The following ABTB3 variants were observed in gnomAD, a reference collection of about 807,000 sequenced individuals.
The protein encoded by ABTB3 is ankyrin repeat and BTB domain containing 3, also known as ankyrin repeat- and BTB/POZ domain-containing protein 3.
the ABTB3 span, chr12:107,320,011 C>T: frequency 3.6e-5 from 57 of 1,572,208 alleles, no homozygotes; most frequent in Non-Finnish European, 4.5e-5. Context: ...CGGTCAACAA[C>T]GACTCGGAGA....
At chr12:107,653,432 G>T in the ABTB3 span, among the ~76,000 whole-genome samples, 1 of 151,746 alleles carries the variant, frequency 6.6e-6, no homozygotes, top group African/African-American at 2.4e-5. Context: ...CAGGAGAATG[G>T]CATGAACCTG....
chr12:107,460,506 A>G, the ABTB3 span, among the ~76,000 whole-genome samples: 3 of 152,130 alleles, frequency 2.0e-5, no homozygotes, highest in Non-Finnish European at 4.4e-5. Context: ...ATACAAAAAT[A>G]AAAATAGCTG....
chr12:107,616,044 C>A, the ABTB3 span, among the ~76,000 whole-genome samples: 12 of 152,042 alleles, frequency 7.9e-5, no homozygotes, highest in African/African-American at 2.7e-4. Context: ...AGAACAGATC[C>A]CAAGTCATGT....
At chr12:107,324,936 AC>A in the ABTB3 span, among the ~76,000 whole-genome samples, 1 of 152,332 alleles carries the variant, frequency 6.6e-6, no homozygotes, top group South Asian at 2.1e-4. Context: ...TCTCATCTGT[AC>A]AGTGAGGATT....
At chr12:107,441,552 C>A in the ABTB3 span, among the ~76,000 whole-genome samples, 123 of 152,114 alleles carry the variant, frequency 8.1e-4, no homozygotes, top group African/African-American at 2.8e-3. Flanking sequence ...TGTAGCAAAC[C>A]ACCGTGGCAC....
At chr12:107,538,684 C>T in the ABTB3 span, among the ~76,000 whole-genome samples, 1 of 152,158 alleles carries the variant, frequency 6.6e-6, no homozygotes, top group Non-Finnish European at 1.5e-5. Flanking sequence ...TTCTTACAGC[C>T]TCCTTGGTCA....
the ABTB3 span, among the ~76,000 whole-genome samples, chr12:107,582,852 G>A: frequency 2.6e-5 from 4 of 152,176 alleles, no homozygotes; most frequent in Admixed American, 6.5e-5. Context: ...TGCCCCCATC[G>A]CCAACCTGGA....
At chr12:107,597,225 C>T in the ABTB3 span, among the ~76,000 whole-genome samples, 5 of 152,184 alleles carry the variant, frequency 3.3e-5, no homozygotes, top group African/African-American at 1.2e-4. Context: ...TGGCCCTGTA[C>T]ATTCCAGGAA....
chr12:107,637,069 C>T, the ABTB3 span, among the ~76,000 whole-genome samples: 8 of 152,300 alleles, frequency 5.3e-5, no homozygotes, highest in South Asian at 1.7e-3. Context: ...CATCAACATC[C>T]ATTGAGCATC....
the ABTB3 span, among the ~76,000 whole-genome samples, chr12:107,491,649 C>T: frequency 1.3e-5 from 2 of 152,050 alleles, no homozygotes; most frequent in African/African-American, 4.8e-5. Context: ...ATGATGAAAC[C>T]CTGTCTCTAC....
the ABTB3 span, among the ~76,000 whole-genome samples, chr12:107,553,130 A>G: frequency 6.6e-6 from 1 of 152,228 alleles, no homozygotes; most frequent in Non-Finnish European, 1.5e-5. Flanking sequence ...TGAACTAACT[A>G]ACATAAGTGT....
At chr12:107,451,206 C>T in the ABTB3 span, among the ~76,000 whole-genome samples, 3 of 152,178 alleles carry the variant, frequency 2.0e-5, no homozygotes, top group Non-Finnish European at 2.9e-5. Context: ...TACTCTCTCT[C>T]ACTCATGACT....
the ABTB3 span, among the ~76,000 whole-genome samples, chr12:107,492,130 C>A: frequency 1.3e-5 from 2 of 152,236 alleles, no homozygotes; most frequent in South Asian, 4.2e-4. Flanking sequence ...CACGCTGATT[C>A]GCTTCCTCTG....
chr12:107,427,350 C>T, the ABTB3 span, among the ~76,000 whole-genome samples: 4 of 151,942 alleles, frequency 2.6e-5, no homozygotes, highest in African/African-American at 9.7e-5. Context: ...GGCACAATCA[C>T]GGCTCACTGC....
At chr12:107,413,882 T>C in the ABTB3 span, among the ~76,000 whole-genome samples, 6 of 152,230 alleles carry the variant, frequency 3.9e-5, no homozygotes, top group African/African-American at 1.2e-4. Context: ...CAAAGCTAAA[T>C]TGGCTTTTTA....
the ABTB3 span, chr12:107,635,377 G>T: frequency 6.2e-7 from 1 of 1,613,918 alleles, no homozygotes; most frequent in Non-Finnish European, 8.5e-7. Context: ...AACGGAAACA[G>T]ACCTCGCGCT....
chr12:107,629,897 A>G, the ABTB3 span, among the ~76,000 whole-genome samples: 1 of 152,070 alleles, frequency 6.6e-6, no homozygotes, highest in Non-Finnish European at 1.5e-5. Context: ...GCTTATCATC[A>G]CAGTCTGACC....
At chr12:107,578,175 T>C in the ABTB3 span, among the ~76,000 whole-genome samples, 1 of 152,062 alleles carries the variant, frequency 6.6e-6, no homozygotes, top group South Asian at 2.1e-4. Context: ...GATTTTTAAA[T>C]GAGTTACTGG....
the ABTB3 span, among the ~76,000 whole-genome samples, chr12:107,327,902 G>C: frequency 4.6e-5 from 7 of 152,316 alleles, no homozygotes; most frequent in South Asian, 1.5e-3. Context: ...TGTGGAAGTT[G>C]ATGAAAGCTC....
Sources: gnomAD v4.1 joint callset for allele counts (sites outside exome capture counted in the v4.1 genomes callset) on GRCh38, gnomAD v4.1.1 for gene constraint, MANE v1.5 for transcripts, NCBI Gene and HGNC (gene_info 2026-07-23, HGNC 2026-07-21) for gene names.